The following CTNNA2 variants were observed in gnomAD, a reference collection of about 807,000 sequenced individuals.
The protein encoded by CTNNA2 is catenin alpha-2.
Under a neutral mutation model 101.0 loss-of-function variants are expected in CTNNA2, and 42 were observed. The observed-to-expected ratio is 0.42, with a 90% confidence interval of 0.32 to 0.54. The LOEUF is 0.54. CTNNA2 is among the 20% of genes least tolerant of loss of function. The probability of loss-of-function intolerance (pLI) is 0.14; values close to 1 mark genes in which losing one functional copy is unlikely to be tolerated. For synonymous variants in CTNNA2, 450 were observed against 456.4 expected, an observed-to-expected ratio of 0.99 and a Z score of 0.18; for missense variants, 871 against 1,223.1, an observed-to-expected ratio of 0.71 and a Z score of 4.29.
chr2:79,518,389 C>G (rs1348110850), intron 1 of CTNNA2, among the ~76,000 whole-genome samples: 1 of 152,154 alleles, frequency 6.6e-6, no homozygotes, highest in Non-Finnish European at 1.5e-5. Context: ...TATATGGTCT[C>G]AAGGGCCACA....
chr2:79,609,884 A>G (rs1264998412), intron 1 of CTNNA2, among the ~76,000 whole-genome samples: 1 of 152,170 alleles, frequency 6.6e-6, no homozygotes, highest in African/African-American at 2.4e-5. Flanking sequence ...GTGACTTTAG[A>G]TACACTGCAA....
intron 2 of CTNNA2, among the ~76,000 whole-genome samples, chr2:79,727,244 G>A (rs1013939789): frequency 6.6e-6 from 1 of 152,194 alleles, no homozygotes; most frequent in Non-Finnish European, 1.5e-5. Context: ...AATATATTCA[G>A]ATTGAAAGCT....
At chr2:80,042,666 G>A (rs1696145969) in intron 7 of CTNNA2, among the ~76,000 whole-genome samples, 1 of 152,170 alleles carries the variant, frequency 6.6e-6, no homozygotes, top group South Asian at 2.1e-4. Context: ...TCATAGTTAG[G>A]TGTGAGAAGA....
chr2:79,949,678 T>C (rs1489364037), intron 7 of CTNNA2, among the ~76,000 whole-genome samples: 2 of 152,070 alleles, frequency 1.3e-5, no homozygotes, highest in Middle Eastern at 3.2e-3. Context: ...TTTGGGAAGC[T>C]GAAATAGAAG....
intron 4 of CTNNA2, 148 bp from the exon 5 acceptor site, chr2:79,869,668 T>C: frequency 9.8e-7 from 1 of 1,017,174 alleles, no homozygotes; most frequent in Non-Finnish European, 1.4e-6. Flanking sequence ...TACACATGAT[T>C]GTTAGAGGAA....
At chr2:80,122,682 T>C (rs963761658) in intron 7 of CTNNA2, among the ~76,000 whole-genome samples, 2 of 152,166 alleles carry the variant, frequency 1.3e-5, no homozygotes, top group Non-Finnish European at 2.9e-5. Context: ...TTTAAGTTAG[T>C]GAATTATAGA....
intron 6 of CTNNA2, among the ~76,000 whole-genome samples, chr2:79,903,402 A>G (rs1356679012): frequency 6.6e-6 from 1 of 151,954 alleles, no homozygotes; most frequent in Non-Finnish European, 1.5e-5. Context: ...CTAAACCCAA[A>G]CAGGATTATG....
chr2:80,041,214 C>CT (rs1696031307), intron 7 of CTNNA2, among the ~76,000 whole-genome samples: 1 of 150,802 alleles, frequency 6.6e-6, no homozygotes, highest in South Asian at 2.1e-4. Flanking sequence ...TTGTAATGTA[C>CT]TTTCATTTTT....
intron 1 of CTNNA2, among the ~76,000 whole-genome samples, chr2:79,532,428 A>G (rs1055814644): frequency 4.6e-5 from 7 of 152,114 alleles, no homozygotes; most frequent in African/African-American, 2.4e-5. Flanking sequence ...CTATTTTGCT[A>G]TAGTACTACT....
chr2:80,051,051 C>A (rs1572948258), intron 7 of CTNNA2, among the ~76,000 whole-genome samples: 1 of 151,968 alleles, frequency 6.6e-6, no homozygotes. Flanking sequence ...AGAATGTGAC[C>A]CATTAGTAGT....
chr2:79,326,831 T>G (rs1676758327), intron 3 of CTNNA2, among the ~76,000 whole-genome samples: 1 of 152,164 alleles, frequency 6.6e-6, no homozygotes, highest in African/African-American at 2.4e-5. Context: ...TCCATGGTGA[T>G]CCTATGACAT....
intron 2 of CTNNA2, among the ~76,000 whole-genome samples, chr2:79,258,871 A>AG (rs1223958477): frequency 6.1e-5 from 9 of 146,938 alleles, no homozygotes; most frequent in African/African-American, 1.5e-4. Flanking sequence ...AAAAAAAAAA[A>AG]GGCAAACGAA....
chr2:79,330,440 C>T (rs1417658152), intron 3 of CTNNA2, among the ~76,000 whole-genome samples: 1 of 152,168 alleles, frequency 6.6e-6, no homozygotes, highest in Non-Finnish European at 1.5e-5. Flanking sequence ...CTCAACACCA[C>T]CTCCTCTCTG....
At chr2:79,746,352 A>G (rs1671646585) in intron 3 of CTNNA2, among the ~76,000 whole-genome samples, 1 of 152,154 alleles carries the variant, frequency 6.6e-6, no homozygotes, top group South Asian at 2.1e-4. Flanking sequence ...CCCATTCTGT[A>G]GGTTGCCTTT....
intron 3 of CTNNA2, among the ~76,000 whole-genome samples, chr2:79,812,850 A>G (rs527243494): frequency 2.0e-5 from 3 of 152,230 alleles, no homozygotes; most frequent in South Asian, 2.1e-4. Context: ...TGCCACCTTA[A>G]GTAGGTCATG....
At chr2:79,298,690 C>T (rs1021113282) in intron 2 of CTNNA2, among the ~76,000 whole-genome samples, 7 of 152,198 alleles carry the variant, frequency 4.6e-5, no homozygotes, top group Non-Finnish European at 1.0e-4. Context: ...CCCCCTTAGA[C>T]ACTGATGTCC....
chr2:80,491,146 G>C lies in CTNNA2; in HGVS notation c.1291-53836G>C, dbSNP rs1359068516. 3.3e-5 allele frequency among the ~76,000 whole-genome samples: 5 copies of C among 152,274 alleles called. No homozygotes were observed. The East Asian group carries it at 5.8e-4, about 18-fold the overall frequency. ...TGCCATACTGCCAGCATAACCCTGA[G>C]GTCTGGGCATACCTTAGGTTAAGAA... On this transcript the variant is annotated intron_variant, in intron 9 of 18. Coordinates refer to ENST00000402739, the MANE Select transcript of CTNNA2 (RefSeq NM_001282597.3).
Position 79,753,505 on chromosome 2 carries a change from T to C in CTNNA2, c.298+8923T>C, listed in dbSNP as rs148486539. Among the ~76,000 whole-genome samples, 26 of 152,322 alleles carry C rather than the reference T, an allele frequency of 1.7e-4. 1 individual carries two copies. The highest frequency in any genetic ancestry group is 6.5e-5 in the Admixed American group (1 of 15,300). On this transcript the variant is annotated intron_variant, in intron 3 of 18. Transcript: ENST00000402739. Reference sequence around the variant, plus strand: ...TATATCTCCACATTCTCTTAAGCCATGGAGCAGTTGCTTATGTTTCCTGCC... The same window carrying C: ...TATATCTCCACATTCTCTTAAGCCACGGAGCAGTTGCTTATGTTTCCTGCC...
At chr2:80,210,446 G>A (rs1463993824) in intron 7 of CTNNA2, among the ~76,000 whole-genome samples, 2 of 151,910 alleles carry the variant, frequency 1.3e-5, no homozygotes, top group Non-Finnish European at 2.9e-5. Context: ...TCCCACCTAT[G>A]AGTGAGAACA....
Sources: allele counts gnomAD v4.1 joint callset (sites outside exome capture counted in the v4.1 genomes callset), GRCh38; gene constraint gnomAD v4.1.1; transcripts MANE v1.5; gene names NCBI Gene and HGNC (gene_info 2026-07-23, HGNC 2026-07-21).